The following FOXI1 variants were observed in gnomAD, a reference collection of about 807,000 sequenced individuals.
FOXI1 encodes forkhead box I1.
A neutral mutation model predicts 16.4 loss-of-function variants in FOXI1; 11 were observed. The observed-to-expected ratio is 0.67, with a 90% CI of 0.42 to 1.11. The LOEUF (loss-of-function observed/expected upper bound fraction) is 1.11. Among genes scored for constraint, FOXI1 ranks in the 50% least tolerant of loss-of-function variants. The pLI, the probability that FOXI1 is intolerant of heterozygous loss-of-function variation, is 0.00. For synonymous variants in FOXI1, 218 were observed against 211.5 expected, an observed-to-expected ratio of 1.03 and a Z score of -0.27; for missense variants, 480 against 506.1, an observed-to-expected ratio of 0.95 and a Z score of 0.49.
In FOXI1 at chr5:170,108,697, CT is replaced by C. The variant is rs1758578762; in HGVS notation, c.*87del. On this transcript the variant is annotated 3_prime_UTR_variant, in exon 2 of 2. Transcript: ENST00000306268. ...ATGCCAGCCCCACGGTGGTCCATGA[CT>C]GCGGAACTGCCCAGACATAAGCAGG... The C allele has an allele frequency of 3.9e-6, 4 of 1,027,282 alleles. No individual in the cohort carries two copies. Among genetic ancestry groups the C allele is most frequent in the Non-Finnish European group, 6.2e-6 (4 of 648,370 alleles). The allele number at this position is 1,027,282 out of a possible 1,614,324, so 63.6% of individuals were successfully genotyped here. A position where few individuals can be genotyped will look rare whatever the true frequency, so the allele number is the denominator to read the frequency against.
At position 170,105,940 on chromosome 5, in the gene FOXI1, G is replaced by A. The variant is rs764490860; in HGVS notation, c.-18G>A. 9 of 1,593,262 alleles carry A rather than the reference G, an allele frequency of 5.6e-6. No individual in the cohort carries two copies. Among genetic ancestry groups the A allele is most frequent in the African/African-American group, 2.7e-5 (2 of 74,402 alleles). On this transcript the variant is annotated 5_prime_UTR_variant, in exon 1 of 2. Transcript: ENST00000306268. ...GTGCAGGTGCCAGGCAGGTGGCTCC[G>A]GCCAGCCCAGCCCCAGCATGAGCTC...
Position 170,106,429 on chromosome 5 carries a change from C to T in FOXI1, c.472C>T (p.Pro158Ser). 6.2e-7 allele frequency: 1 copy of T among 1,614,264 alleles called. No individual in the cohort carries two copies. The highest frequency in any genetic ancestry group is 8.5e-7 in the Non-Finnish European group (1 of 1,180,044). Residue 158 changes from proline to serine, a missense_variant, in exon 1 of 2, where the codon CCC becomes TCC. Around this residue, in one of 3 missense-constraint regions of FOXI1, gnomAD observed 219 missense variants for 222.9 expected, o/e 0.98. Transcript: ENST00000306268. ...QIYQYVADNF[P>S]FYNKSKAGWQ... is the part of the protein sequence containing the mutation. Reference sequence around the variant, plus strand: ...CTACCAGTACGTGGCCGACAACTTCCCCTTCTACAACAAGAGCAAGGCCGG... The same window carrying T: ...CTACCAGTACGTGGCCGACAACTTCTCCTTCTACAACAAGAGCAAGGCCGG...
rs2112669 is a variant in FOXI1 at position 170,106,785 on chromosome 5, C to G, written c.574+254C>G. 0.24 allele frequency: 62,143 copies of G among 258,914 alleles called. 9,932 individuals are homozygous for G. Among genetic ancestry groups the G allele is most frequent in the African/African-American group, 0.53 (22,916 of 43,550 alleles). The allele number at this position is 258,914 out of a possible 1,614,324, so 16.0% of individuals were successfully genotyped here. On this transcript the variant is annotated intron_variant, in intron 1 of 1. Transcript: ENST00000306268. The stretch of plus-strand genomic sequence containing the variant: ...GACCTCAGAGCCTCAGTTCCCTCAT[C>G]GGAAAACCAGGGATAGTGACAGCAT...
chr5:170,107,766 G>A (rs892745687), intron 1 of FOXI1, among the ~76,000 whole-genome samples: 6 of 152,154 alleles, frequency 3.9e-5, no homozygotes, highest in Admixed American at 2.0e-4. Context: ...CAGCATCCCT[G>A]CTCCCAGTTC....
chr5:170,108,680 C>A lies in FOXI1; in HGVS notation c.*69C>A. On this transcript the variant is annotated 3_prime_UTR_variant, in exon 2 of 2. Coordinates refer to ENST00000306268, the MANE Select transcript of FOXI1 (RefSeq NM_012188.5). ...AGCAGTAGAGGTCCTCCATGCCAGC[C>A]CCACGGTGGTCCATGACTGCGGAAC... 8.0e-7 allele frequency: 1 copy of A among 1,247,108 alleles called. No homozygotes were observed. Among genetic ancestry groups the A allele is most frequent in the Non-Finnish European group, 1.2e-6 (1 of 847,048 alleles). The allele number at this position is 1,247,108 out of a possible 1,614,324, so 77.3% of individuals were successfully genotyped here. A position where few individuals can be genotyped will look rare whatever the true frequency, so the allele number is the denominator to read the frequency against.
rs749208705 is a variant in FOXI1 at position 170,105,992 on chromosome 5, C to T, written c.35C>T (p.Pro12Leu). The T allele has an allele frequency of 2.5e-6, 4 of 1,611,978 alleles. No homozygotes were observed. The South Asian group carries it at 4.4e-5, about 18-fold the overall frequency. The change falls in exon 1 of 2, where the codon CCT (proline) becomes CTT (leucine). Residue 12 changes from proline (P) to leucine (L), a missense_variant. Physicochemically the swap from Pro to Leu is moderately conservative, Grantham distance 98. Around this residue, in one of 3 missense-constraint regions of FOXI1, gnomAD observed 219 missense variants for 222.9 expected, o/e 0.98. Coordinates refer to ENST00000306268, the MANE Select transcript of FOXI1 (RefSeq NM_012188.5). Reference sequence around the variant, plus strand: ...TTCGACCTGCCGGCGCCCTCCCCACCTCGCTGCAGCCCCCAGTTCCCCAGC... The same window carrying T: ...TTCGACCTGCCGGCGCCCTCCCCACTTCGCTGCAGCCCCCAGTTCCCCAGC... ...SSFDLPAPSP[P>L]RCSPQFPSIG...
In FOXI1 at chr5:170,106,764, T is replaced by TC. The variant is rs1323952084; in HGVS notation, c.574+234dup. Among the ~76,000 whole-genome samples the TC allele has an allele frequency of 6.6e-5, 10 of 152,358 alleles. No homozygotes were observed. The East Asian group carries it at 1.9e-3, about 29-fold the overall frequency. ...TCAGTGACCTCTGGCAGGTTAGACCTCAGAGCCTCAGTTCCCTCATCGGAA... is the reference window on the plus strand; with the variant it reads ...TCAGTGACCTCTGGCAGGTTAGACCTCCAGAGCCTCAGTTCCCTCATCGGAA... On this transcript the variant is annotated intron_variant, in intron 1 of 1. Coordinates refer to ENST00000306268, the MANE Select transcript of FOXI1 (RefSeq NM_012188.5).
At position 170,108,590 on chromosome 5, in the gene FOXI1, C is replaced by T; in HGVS notation, c.1116C>T (p.Pro372=). ...NSVNTSGVLY[P]REGTEV is the part of the protein sequence containing the mutation. ...TCAACACCAGTGGTGTCCTCTACCC[C>T]AGGGAGGGCACCGAGGTCTAGGTAC... Residue 372 remains proline, a synonymous_variant, in exon 2 of 2, where the codon CCC becomes CCT. Transcript: ENST00000306268. The T allele has an allele frequency of 6.2e-7, 1 of 1,613,100 alleles. No individual in the cohort carries two copies. Among genetic ancestry groups the T allele is most frequent in the Non-Finnish European group, 8.5e-7 (1 of 1,179,612 alleles).
In FOXI1 at chr5:170,109,146, A is replaced by G. The variant is rs6555888; in HGVS notation, c.*535A>G. On this transcript the variant is annotated 3_prime_UTR_variant, in exon 2 of 2. Transcript: ENST00000306268. ...TCTCTCCACTGCCTTCTGTCCACCA[A>G]CATTTAGTGCCAGCCTAGGCACAAC... The G allele has an allele frequency of 0.82, 125,898 of 153,512 alleles. 51,778 individuals are homozygous for G. Among genetic ancestry groups the G allele is most frequent in the East Asian group, 0.94 (4,873 of 5,178 alleles). 9.5% of individuals were successfully genotyped at this position (153,512 alleles called of 1,614,324 possible).
Position 170,108,344 on chromosome 5 carries a change from CG to C in FOXI1, c.876del (p.Ser293AlafsTer12), listed in dbSNP as rs35106562. ...FLSSMTAYVS[G>X]GSPTSHPLVT... Reference sequence around the variant, plus strand: ...TTTCCTCTATGACAGCCTATGTGAGCGGGGGGAGCCCCACGAGCCACCCCTT... The same window carrying C: ...TTTCCTCTATGACAGCCTATGTGAGCGGGGGAGCCCCACGAGCCACCCCTT... On this transcript the variant is annotated frameshift_variant, in exon 2 of 2. Coordinates refer to ENST00000306268, the MANE Select transcript of FOXI1 (RefSeq NM_012188.5). LOFTEE classifies it low-confidence loss of function (END_TRUNC). 1 of 1,614,098 alleles carries C rather than the reference CG, an allele frequency of 6.2e-7. No homozygotes were observed. The highest frequency in any genetic ancestry group is 1.1e-5 in the South Asian group (1 of 91,068).
Position 170,109,202 on chromosome 5 carries a change from C to A in FOXI1, c.*591C>A, listed in dbSNP as rs1419665203. Reference sequence around the variant, plus strand: ...CTGGTCCAAGTCCTTATTCTGCTTGCCCCAACTTACCTGCAGACACTCCTT... The same window carrying A: ...CTGGTCCAAGTCCTTATTCTGCTTGACCCAACTTACCTGCAGACACTCCTT... On this transcript the variant is annotated 3_prime_UTR_variant, in exon 2 of 2. Coordinates refer to ENST00000306268, the MANE Select transcript of FOXI1 (RefSeq NM_012188.5). 6.5e-6 allele frequency: 1 copy of A among 152,994 alleles called. No homozygotes were observed. The highest frequency in any genetic ancestry group is 1.5e-5 in the Non-Finnish European group (1 of 68,672). The allele number at this position is 152,994 out of a possible 1,614,324, so 9.5% of individuals were successfully genotyped here.
intron 1 of FOXI1, 34 bp from the exon 2 acceptor site, chr5:170,108,015 C>T: frequency 1.3e-6 from 2 of 1,528,166 alleles, no homozygotes; most frequent in Non-Finnish European, 1.8e-6. Context: ...ATTTTGTCCA[C>T]CTCTCTATTT....
chr5:170,108,018 C>A, intron 1 of FOXI1, 31 bp from the exon 2 acceptor site: 1 of 1,550,846 alleles, frequency 6.4e-7, no homozygotes, highest in African/African-American at 1.4e-5. Flanking sequence ...TTGTCCACCT[C>A]TCTATTTACC....
In FOXI1 at chr5:170,106,069, C is replaced by A. The variant is rs1758468990; in HGVS notation, c.112C>A (p.Pro38Thr). ...CCTCTACTATGAGAACTTCTTCCAC[C>A]CACAGGGCGTGCCCAGCCCTCAGCG... ...MNLYYENFFH[P>T]QGVPSPQRPS... The change falls in exon 1 of 2, where the codon CCA becomes ACA. Residue 38 changes from proline (P) to threonine (T), a missense_variant. Pro to Thr is a conservative substitution (Grantham distance 38). This residue lies in a region of FOXI1 where 219 missense variants were observed against 222.9 expected (regional missense o/e 0.98). Coordinates refer to ENST00000306268, the MANE Select transcript of FOXI1 (RefSeq NM_012188.5). The A allele has an allele frequency of 1.2e-6, 2 of 1,613,430 alleles. No homozygotes were observed. The highest frequency in any genetic ancestry group is 1.7e-6 in the Non-Finnish European group (2 of 1,179,560).
rs750380368 is a variant in FOXI1 at position 170,106,199 on chromosome 5, C to A, written c.242C>A (p.Ala81Asp). Residue 81 changes from alanine (A) to aspartate (D), a missense_variant, in exon 1 of 2, where the codon GCC becomes GAC. Physicochemically the swap from Ala to Asp is moderately radical, Grantham distance 126. Coordinates refer to ENST00000306268, the MANE Select transcript of FOXI1 (RefSeq NM_012188.5). ...TPPPYLPGPN[A>D]SPFLPQAYGV... ...CCACCCTACCTGCCCGGCCCCAACG[C>A]CAGCCCCTTCCTGCCCCAGGCCTAT... The A allele has an allele frequency of 1.3e-6, 2 of 1,581,864 alleles. No individual in the cohort carries two copies. The highest frequency in any genetic ancestry group is 1.8e-5 in the Admixed American group (1 of 56,330).
Position 170,106,419 on chromosome 5 carries a change from C to T in FOXI1, c.462C>T (p.Ala154=), listed in dbSNP as rs762742077. Residue 154 remains alanine, a synonymous_variant, in exon 1 of 2, where the codon GCC becomes GCT. Transcript: ENST00000306268. ...LTLSQIYQYV[A]DNFPFYNKSK... ...TCAGCCAGATCTACCAGTACGTGGC[C>T]GACAACTTCCCCTTCTACAACAAGA... The T allele has an allele frequency of 1.9e-6, 3 of 1,614,232 alleles. No individual in the cohort carries two copies. The highest frequency in any genetic ancestry group is 1.7e-5 in the Admixed American group (1 of 60,026).
chr5:170,106,588 C>T (rs1288281480), intron 1 of FOXI1, 57 bp downstream of exon 1: 16 of 1,603,546 alleles, frequency 1.0e-5, no homozygotes, highest in Non-Finnish European at 1.3e-5. Flanking sequence ...TCCTTCCTCC[C>T]CAAGACCCCA....
In FOXI1 at chr5:170,106,514, G is replaced by C. The variant is rs1264885315; in HGVS notation, c.557G>C (p.Arg186Pro). 2 of 1,614,128 alleles carry C rather than the reference G, an allele frequency of 1.2e-6. No individual in the cohort carries two copies. Among genetic ancestry groups the C allele is most frequent in the Admixed American group, 1.7e-5 (1 of 60,016 alleles). The change falls in exon 1 of 2, where the codon CGC becomes CCC. Residue 186 changes from arginine (R) to proline (P), a missense_variant. By Grantham distance (103) the Arg-to-Pro change is moderately radical (BLOSUM62 -2). This residue lies in a region of FOXI1 where 257 missense variants were observed against 262.2 expected (regional missense o/e 0.98). Coordinates refer to ENST00000306268, the MANE Select transcript of FOXI1 (RefSeq NM_012188.5). Reference protein sequence around the residue: ...SLNDCFKKVPRDEDDPGKGNY... With the variant: ...SLNDCFKKVPPDEDDPGKGNY... Reference sequence around the variant, plus strand: ...AACGACTGCTTCAAGAAGGTGCCCCGCGACGAGGACGACCCGGGTAAGGAG... The same window carrying C: ...AACGACTGCTTCAAGAAGGTGCCCCCCGACGAGGACGACCCGGGTAAGGAG...
intron 1 of FOXI1, 57 bp from the exon 2 acceptor site, chr5:170,107,992 A>G (rs1231479090): frequency 6.6e-6 from 9 of 1,365,020 alleles, no homozygotes; most frequent in African/African-American, 1.4e-5. Context: ...ATAAGGAGGA[A>G]CAGAAGCAAA....
Sources: allele counts gnomAD v4.1 joint callset (sites outside exome capture counted in the v4.1 genomes callset), GRCh38; gene constraint gnomAD v4.1.1; regional missense constraint gnomAD v4.1.1; transcripts MANE v1.5; gene names NCBI Gene and HGNC (gene_info 2026-07-23, HGNC 2026-07-21).